Variants in SLC19A1 observed in about 807,000 individuals in gnomAD.
SLC19A1 encodes the protein solute carrier family 19 member 1, also known as reduced folate transporter.
Under a neutral mutation model 35.3 loss-of-function variants are expected in SLC19A1, and 37 were observed. That is an observed-to-expected ratio of 1.05 (90% CI 0.81 to 1.38). SLC19A1 has a LOEUF of 1.38. Ranked by LOEUF, SLC19A1 falls within the 40% of genes most tolerant of loss-of-function variation. The probability of loss-of-function intolerance (pLI) is 0.00; values close to 1 mark genes in which losing one functional copy is unlikely to be tolerated. For synonymous variants in SLC19A1, 460 were observed against 398.5 expected (o/e 1.15, Z -1.84); for missense variants, 831 against 826.9 (o/e 1.00, Z -0.06).
chr21:45,505,514 C>T, intron 3 of SLC19A1: 1 of 770,300 alleles, frequency 1.3e-6, no homozygotes, highest in Non-Finnish European at 2.2e-6. Context: ...AGACACTCTC[C>T]CACGGACCCC....
At chr21:45,511,906 G>A (rs2037633237), downstream of SLC19A1, among the ~76,000 whole-genome samples, 1 of 152,220 alleles carries the variant, frequency 6.6e-6, no homozygotes, top group Admixed American at 6.5e-5. Flanking sequence ...TGCTCAGCAG[G>A]CATGAGGGCC....
chr21:45,508,124 C>T (rs547835350), downstream of SLC19A1, among the ~76,000 whole-genome samples: 230 of 100,924 alleles, frequency 2.3e-3, no homozygotes, highest in Non-Finnish European at 3.4e-3. Flanking sequence ...GGTGAGTGGA[C>T]GGGTGGGTGG....
chr21:45,544,889 T>C (rs575501409), upstream of SLC19A1, among the ~76,000 whole-genome samples: 57 of 152,294 alleles, frequency 3.7e-4, no homozygotes, highest in Non-Finnish European at 6.8e-4. Flanking sequence ...ATGAGGACCC[T>C]GCCCACCCAC....
At chr21:45,507,501 G>C in intron 3 of SLC19A1, 1 of 1,490,780 alleles carries the variant, frequency 6.7e-7, no homozygotes, top group Non-Finnish European at 9.1e-7. Context: ...GCTGGGCAGG[G>C]AGGGCACCCT....
Position 45,531,744 on chromosome 21 carries a change from G to T in SLC19A1, c.594C>A (p.Val198=). Reference sequence around the variant, plus strand: ...TGGGGCGCTTCAGGAAGAGGGCGAGGACCACGCTGAAGGTGAGGAAGGCCA... The same window carrying T: ...TGGGGCGCTTCAGGAAGAGGGCGAGTACCACGCTGAAGGTGAGGAAGGCCA... ...ISLAFLTFSV[V]LALFLKRPKR... is the part of the protein sequence containing the mutation. Residue 198 remains valine, a synonymous_variant, in exon 3 of 6, where the codon GTC becomes GTA. Transcript: ENST00000311124. 1 of 1,612,402 alleles carries T rather than the reference G, an allele frequency of 6.2e-7. No homozygotes were observed. The highest frequency in any genetic ancestry group is 2.2e-5 in the East Asian group (1 of 44,798).
At chr21:45,546,909 G>A (rs752209184), upstream of SLC19A1, among the ~76,000 whole-genome samples, 10 of 152,290 alleles carry the variant, frequency 6.6e-5, no homozygotes, top group Non-Finnish European at 1.0e-4. Context: ...AAACCTAAGC[G>A]TGACATTAGA....
In SLC19A1 at chr21:45,507,063, G is replaced by A. The variant is rs879414889; in HGVS notation, c.498-8451C>T. ...GATGGCATCCTAGCAAACGCGTGCT[G>A]GGAGGGCTGGGTGCTGGGCAGGGAG... On this transcript the variant is annotated intron_variant, in intron 3 of 4. Coordinates refer to the SLC19A1 transcript ENST00000417954. 288 of 337,344 alleles carry A rather than the reference G, an allele frequency of 8.5e-4. 1 individual carries two copies. Among genetic ancestry groups the A allele is most frequent in the Admixed American group, 1.7e-3 (42 of 24,536 alleles). The allele number at this position is 337,344 out of a possible 1,614,324, so 20.9% of individuals were successfully genotyped here.
chr21:45,507,013 T>G, intron 3 of SLC19A1: 1 of 294,862 alleles, frequency 3.4e-6, no homozygotes, highest in Non-Finnish European at 6.8e-6. Flanking sequence ...TTCAGGGGCT[T>G]TGGTCCTGAC....
intron 1 of SLC19A1, among the ~76,000 whole-genome samples, chr21:45,549,871 G>C (rs1422563816): frequency 3.3e-5 from 5 of 151,788 alleles, no homozygotes; most frequent in Non-Finnish European, 7.4e-5. Flanking sequence ...TGCAGATGGG[G>C]TACAGGTCCA....
chr21:45,504,114 C>A, intron 3 of SLC19A1: 1 of 1,573,108 alleles, frequency 6.4e-7, no homozygotes, highest in Non-Finnish European at 8.7e-7. Flanking sequence ...CGCTGGGTGG[C>A]TGCTCCCAAT....
upstream of SLC19A1, among the ~76,000 whole-genome samples, chr21:45,544,704 C>A (rs2078395005): frequency 6.6e-6 from 1 of 152,114 alleles, no homozygotes; most frequent in African/African-American, 2.4e-5. Flanking sequence ...TAGGCTCCAG[C>A]CATATACAGT....
chr21:45,522,706 G>C (rs1474966478), intron 5 of SLC19A1, among the ~76,000 whole-genome samples: 2 of 152,220 alleles, frequency 1.3e-5, no homozygotes, highest in African/African-American at 4.8e-5. Context: ...TCAGAGAACA[G>C]TGTTGAGTGA....
intron 1 of SLC19A1, among the ~76,000 whole-genome samples, chr21:45,551,288 C>T (rs551119407): frequency 9.8e-4 from 149 of 152,196 alleles, no homozygotes; most frequent in African/African-American, 3.3e-3. Context: ...TAATTGCTTT[C>T]CAATTAATTA....
chr21:45,557,045 C>T (rs1331625949), intron 1 of SLC19A1, among the ~76,000 whole-genome samples: 2 of 152,216 alleles, frequency 1.3e-5, no homozygotes, highest in Non-Finnish European at 2.9e-5. Flanking sequence ...CCCCTGGGCT[C>T]AGCCCTGGCC....
At chr21:45,542,486 T>A (rs899135675), upstream of SLC19A1, 1 of 150,446 alleles carries the variant, frequency 6.6e-6, no homozygotes, top group African/African-American at 2.4e-5. Flanking sequence ...GGTGGGCGGG[T>A]CCGTCCCGCC....
At chr21:45,553,344 G>T (rs1263157690) in intron 1 of SLC19A1, among the ~76,000 whole-genome samples, 1 of 151,962 alleles carries the variant, frequency 6.6e-6, no homozygotes, top group Non-Finnish European at 1.5e-5. Flanking sequence ...TCCAGCCCAT[G>T]AGGGTCCCCG....
At chr21:45,529,319 G>A (rs981531382) in intron 4 of SLC19A1, among the ~76,000 whole-genome samples, 1 of 152,232 alleles carries the variant, frequency 6.6e-6, no homozygotes, top group African/African-American at 2.4e-5. Flanking sequence ...CCAATGCAAG[G>A]GTCAGGAGGG....
upstream of SLC19A1, among the ~76,000 whole-genome samples, chr21:45,547,538 AC>A (rs2078427397): frequency 6.6e-6 from 1 of 152,168 alleles, no homozygotes; most frequent in Admixed American, 6.5e-5. Context: ...TGCTGCTAAA[AC>A]TTTGATCTCC....
intron 1 of SLC19A1, among the ~76,000 whole-genome samples, chr21:45,561,747 C>T (rs993541577): frequency 2.0e-5 from 3 of 149,328 alleles, no homozygotes; most frequent in East Asian, 2.0e-4. Context: ...GGGGACACAG[C>T]GAGACTCCAT....
Sources: gnomAD v4.1 joint callset for allele counts (sites outside exome capture counted in the v4.1 genomes callset) on GRCh38, gnomAD v4.1.1 for gene constraint, MANE v1.5 for transcripts, NCBI Gene and HGNC (gene_info 2026-07-23, HGNC 2026-07-21) for gene names.